EMCN: variants seen among roughly 807,000 people sequenced by gnomAD.
EMCN encodes MUC-14.
A neutral mutation model predicts 38.4 loss-of-function variants in EMCN; 37 were observed. That is an observed-to-expected ratio of 0.96 (90% CI 0.74 to 1.27). EMCN has a LOEUF of 1.27. EMCN is among the 50% of genes most tolerant of loss of function. The pLI is 0.00. For synonymous variants in EMCN, 95 were observed against 100.8 expected, an observed-to-expected ratio of 0.94 and a Z score of 0.35; for missense variants, 318 against 302.8, an observed-to-expected ratio of 1.05 and a Z score of -0.37.
intron 11 of EMCN, among the ~76,000 whole-genome samples, chr4:100,407,498 T>A (rs1726427528): frequency 6.6e-6 from 1 of 152,188 alleles, no homozygotes; most frequent in Non-Finnish European, 1.5e-5. Flanking sequence ...TGGCTGGATA[T>A]GAAATTCTTT....
chr4:100,480,976 T>G (rs1455745402), intron 1 of EMCN, among the ~76,000 whole-genome samples: 1 of 152,120 alleles, frequency 6.6e-6, no homozygotes, highest in Non-Finnish European at 1.5e-5. Context: ...TTATAAAATA[T>G]TTTTAGTCCT....
chr4:100,509,344 A>G (rs188122060), intron 1 of EMCN, among the ~76,000 whole-genome samples: 217 of 152,362 alleles, frequency 1.4e-3, no homozygotes, highest in African/African-American at 5.0e-3. Context: ...TGATCACATC[A>G]TTTAATTATT....
chr4:100,416,522 C>T (rs1003483099), intron 9 of EMCN, among the ~76,000 whole-genome samples: 7 of 152,138 alleles, frequency 4.6e-5, no homozygotes, highest in Non-Finnish European at 1.0e-4. Flanking sequence ...GTCTCTAAGT[C>T]ATATGAATAG....
At chr4:100,430,995 C>G (rs898465451) in intron 5 of EMCN, among the ~76,000 whole-genome samples, 1 of 152,022 alleles carries the variant, frequency 6.6e-6, no homozygotes, top group East Asian at 1.9e-4. Context: ...ATAAACTACC[C>G]CCTATAGAAT....
intron 5 of EMCN, among the ~76,000 whole-genome samples, chr4:100,437,266 T>A (rs898635974): frequency 3.9e-5 from 6 of 152,218 alleles, no homozygotes; most frequent in Non-Finnish European, 7.3e-5. Flanking sequence ...GCCCATTTTT[T>A]AATCATGCTA....
intron 5 of EMCN, among the ~76,000 whole-genome samples, chr4:100,431,092 G>A (rs549732950): frequency 1.3e-5 from 2 of 152,278 alleles, no homozygotes; most frequent in Non-Finnish European, 2.9e-5. Context: ...AATATGCTCA[G>A]ACAGGATGGA....
intron 8 of EMCN, 94 bp downstream of exon 8, chr4:100,421,188 T>C (rs981069736): frequency 8.2e-6 from 9 of 1,095,384 alleles, no homozygotes; most frequent in African/African-American, 7.8e-5. Context: ...CATTTCTTTC[T>C]ATAACTTTTC....
chr4:100,440,284 G>A (rs1175412191), intron 5 of EMCN, among the ~76,000 whole-genome samples: 1 of 151,242 alleles, frequency 6.6e-6, no homozygotes, highest in Non-Finnish European at 1.5e-5. Flanking sequence ...TGGTTTTTTT[G>A]TTACATGGAT....
chr4:100,489,781 G>A (rs1228050571), intron 1 of EMCN, among the ~76,000 whole-genome samples: 2 of 152,064 alleles, frequency 1.3e-5, no homozygotes, highest in African/African-American at 4.8e-5. Context: ...CTGTGGATAC[G>A]GAAGACCAGC....
intron 11 of EMCN, among the ~76,000 whole-genome samples, chr4:100,401,190 T>C (rs527527473): frequency 6.6e-6 from 1 of 152,274 alleles, no homozygotes; most frequent in Admixed American, 6.5e-5. Context: ...ACGATCATAA[T>C]ATACAGTTGG....
At chr4:100,497,340 A>G (rs1729234332) in intron 1 of EMCN, among the ~76,000 whole-genome samples, 1 of 151,326 alleles carries the variant, frequency 6.6e-6, no homozygotes, top group Admixed American at 6.6e-5. Context: ...AGGAATATGA[A>G]CTTTACAGTT....
chr4:100,407,014 G>T (rs531981563), intron 11 of EMCN, among the ~76,000 whole-genome samples: 19 of 152,160 alleles, frequency 1.2e-4, no homozygotes, highest in Middle Eastern at 6.8e-3. Flanking sequence ...TTTAAAGTCT[G>T]TTTTGTCTGA....
intron 4 of EMCN, among the ~76,000 whole-genome samples, chr4:100,448,171 A>G (rs1169421325): frequency 1.3e-5 from 2 of 152,154 alleles, no homozygotes; most frequent in Non-Finnish European, 2.9e-5. Context: ...GATATAGTCC[A>G]GGAGAGCTTT....
intron 1 of EMCN, among the ~76,000 whole-genome samples, chr4:100,498,664 ACTC>A (rs1350714728): frequency 6.6e-6 from 1 of 151,942 alleles, no homozygotes; most frequent in African/African-American, 2.4e-5. Flanking sequence ...CTGGTCTTGA[ACTC>A]CTGACCTCAG....
rs1436955724 is a variant in EMCN, at chr4:100,421,279, T to C, written c.664+3A>G. 6 of 1,611,472 alleles carry C rather than the reference T, an allele frequency of 3.7e-6. No individual in the cohort carries two copies. The Admixed American group carries it at 1.0e-4, about 27-fold the overall frequency. On this transcript the variant is annotated splice_donor_region_variant and intron_variant, in intron 8 of 11. Coordinates refer to ENST00000296420, the MANE Select transcript of EMCN (RefSeq NM_016242.4). ...GAAAACAAAACAAAACACTGTTACC[T>C]ACCCGGATCTGCCTTCCAGCACATT...
chr4:100,458,036 G>A (rs1728067006), intron 4 of EMCN, among the ~76,000 whole-genome samples: 1 of 151,874 alleles, frequency 6.6e-6, no homozygotes, highest in South Asian at 2.1e-4. Context: ...GAACTGCTTG[G>A]ACCTGGGAGG....
At chr4:100,416,080 GTA>G in intron 9 of EMCN, 121 bp from the exon 10 acceptor site, 3 of 542,250 alleles carry the variant, frequency 5.5e-6, no homozygotes, top group South Asian at 2.6e-5. Context: ...TAATGTGTGT[GTA>G]TATATATACG....
At chr4:100,427,454 T>TC (rs1403704360) in intron 5 of EMCN, among the ~76,000 whole-genome samples, 10 of 83,996 alleles carry the variant, frequency 1.2e-4, no homozygotes, top group Admixed American at 2.9e-4. Context: ...TCTCTCTCTC[T>TC]TTTTTTTTTT....
intron 1 of EMCN, among the ~76,000 whole-genome samples, chr4:100,503,818 T>C (rs1242738202): frequency 6.6e-6 from 1 of 152,202 alleles, no homozygotes; most frequent in Admixed American, 6.6e-5. Context: ...CTAATTATAA[T>C]ATTGATTTAT....
Sources: gnomAD v4.1 joint callset for allele counts (sites outside exome capture counted in the v4.1 genomes callset) on GRCh38, gnomAD v4.1.1 for gene constraint, MANE v1.5 for transcripts, NCBI Gene and HGNC (gene_info 2026-07-23, HGNC 2026-07-21) for gene names.